COL27A1: variants seen among roughly 807,000 people sequenced by gnomAD.
COL27A1 encodes collagen alpha-1(XXVII) chain.
Under a neutral mutation model 251.3 loss-of-function variants are expected in COL27A1, and 106 were observed. The observed-to-expected ratio is 0.42, with a 90% CI of 0.36 to 0.50. COL27A1 has a LOEUF of 0.50. Among genes scored for constraint, COL27A1 ranks in the 20% least tolerant of loss-of-function variants. The probability of loss-of-function intolerance (pLI) is 0.00; values close to 1 mark genes in which losing one functional copy is unlikely to be tolerated. For missense variants in COL27A1, 2,325 were observed against 2,522.8 expected, an observed-to-expected ratio of 0.92 and a Z score of 1.68; for synonymous variants, 1,000 against 986.3, an observed-to-expected ratio of 1.01 and a Z score of -0.26.
Position 114,252,615 on chromosome 9 carries a change from C to G in COL27A1, c.3056C>G (p.Pro1019Arg), listed in dbSNP as rs529922047. 1.9e-6 allele frequency: 3 copies of G among 1,613,840 alleles called. No homozygotes were observed. The highest frequency in any genetic ancestry group is 2.7e-5 in the African/African-American group (2 of 74,940). ...CAGGGTGATCGTGGCATGATGGGAC[C>G]CCCAGGCGTGCCTGGACCCAAGGGG... ...GEKGDRGMMG[P>R]PGVPGPKGSM... Residue 1019 changes from proline to arginine, a missense_variant, in exon 26 of 61, where the codon CCC (proline) becomes CGC (arginine). Pro to Arg is a moderately radical substitution (Grantham distance 103). This residue lies in a region of COL27A1 where 662 missense variants were observed against 795.3 expected (regional missense o/e 0.83). Coordinates refer to ENST00000356083, the MANE Select transcript of COL27A1 (RefSeq NM_032888.4).
Position 114,282,462 on chromosome 9 carries a change from C to G in COL27A1, c.3777C>G (p.Ala1259=), listed in dbSNP as rs182885514. 598 of 1,603,180 alleles carry G rather than the reference C, an allele frequency of 3.7e-4. 6 individuals carry two copies. The Admixed American group carries it at 0.01, about 27-fold the overall frequency. ...TGTCTTTCCTCCTGTTGCAGGGTGC[C>G]AAGGGCTATCAAGGACAGCTGGGTG... ...GEKGRTGAKG[A]KGYQGQLGEM... The change falls in exon 39 of 61, where the codon GCC becomes GCG. Residue 1259 remains alanine (A), a synonymous_variant. Transcript: ENST00000356083.
At chr9:114,247,188 T>C (rs1833198621) in intron 24 of COL27A1, among the ~76,000 whole-genome samples, 1 of 152,220 alleles carries the variant, frequency 6.6e-6, no homozygotes, top group Non-Finnish European at 1.5e-5. Context: ...TGGCAATGCA[T>C]TAAATAATGA....
chr9:114,256,495 CA>C (rs953756932), intron 27 of COL27A1, among the ~76,000 whole-genome samples: 1 of 152,020 alleles, frequency 6.6e-6, no homozygotes, highest in African/African-American at 2.4e-5. Context: ...TCCATCTCAA[CA>C]AAAAAAGATT....
chr9:114,193,439 A>T (rs1452553274), intron 5 of COL27A1, among the ~76,000 whole-genome samples: 1 of 152,192 alleles, frequency 6.6e-6, no homozygotes, highest in East Asian at 1.9e-4. Context: ...TGGGGGACTC[A>T]CTGCTTGTCA....
At chr9:114,298,855 G>A (rs940381243) in intron 49 of COL27A1, among the ~76,000 whole-genome samples, 14 of 152,030 alleles carry the variant, frequency 9.2e-5, no homozygotes, top group African/African-American at 3.1e-4. Context: ...TCACAGTAGG[G>A]GAGAAAGTAT....
At chr9:114,228,828 C>CT (rs1045784065) in intron 14 of COL27A1, among the ~76,000 whole-genome samples, 7 of 151,598 alleles carry the variant, frequency 4.6e-5, no homozygotes, top group South Asian at 2.1e-4. Context: ...CTTTCTCTCT[C>CT]TTTTTTTTTC....
intron 14 of COL27A1, among the ~76,000 whole-genome samples, chr9:114,228,154 C>G (rs1588705459): frequency 6.6e-6 from 1 of 152,282 alleles, no homozygotes; most frequent in South Asian, 2.1e-4. Context: ...GCGAGTGGGA[C>G]CTGGGGAGTG....
intron 28 of COL27A1, among the ~76,000 whole-genome samples, chr9:114,259,805 G>A (rs570216679): frequency 2.0e-5 from 3 of 152,168 alleles, no homozygotes; most frequent in Non-Finnish European, 4.4e-5. Flanking sequence ...AGGTGGTGCC[G>A]GCAGCCCAGG....
chr9:114,196,738 G>A (rs889778631), intron 7 of COL27A1, among the ~76,000 whole-genome samples: 3 of 152,174 alleles, frequency 2.0e-5, no homozygotes, highest in Non-Finnish European at 4.4e-5. Context: ...CATGCTGGGG[G>A]AGTTACCTGT....
chr9:114,309,460 G>A lies in COL27A1; in HGVS notation c.5418G>A (p.Val1806=), dbSNP rs756143860. 1.7e-5 allele frequency: 28 copies of A among 1,613,594 alleles called. No homozygotes were observed. The highest frequency in any genetic ancestry group is 2.3e-5 in the Non-Finnish European group (27 of 1,179,896). Reference sequence around the variant, plus strand: ...CTGGGGGTCAGTTCCGGCCCGAGGTGTCCATGGATGGCTGCAAGGTAACTC... The same window carrying A: ...CTGGGGGTCAGTTCCGGCCCGAGGTATCCATGGATGGCTGCAAGGTAACTC... ...FEAGGQFRPE[V]SMDGCKVQDG... is the part of the protein sequence containing the mutation. Residue 1806 remains valine, a synonymous_variant, in exon 60 of 61, where the codon GTG becomes GTA. Transcript: ENST00000356083.
chr9:114,236,465 C>T (rs1257692106), intron 17 of COL27A1, among the ~76,000 whole-genome samples: 2 of 152,216 alleles, frequency 1.3e-5, no homozygotes, highest in Non-Finnish European at 2.9e-5. Context: ...ACTTCCAGAG[C>T]CCAGCTGTGG....
At chr9:114,214,685 A>G (rs891729) in intron 12 of COL27A1, among the ~76,000 whole-genome samples, 11,799 of 152,238 alleles carry the variant, frequency 0.078, 1,360 homozygotes, top group African/African-American at 0.25. Flanking sequence ...AGGGCAAGGT[A>G]CTCTCCACAT....
At chr9:114,285,632 CGACCCCTTCCTCCTGCTGGA>C (rs1827420835) in intron 41 of COL27A1, among the ~76,000 whole-genome samples, 2 of 152,158 alleles carry the variant, frequency 1.3e-5, no homozygotes. Context: ...GCTGCCCAGC[CGACCCCTTCCTCCTGCTGGA>C]GGAGGACAGC....
chr9:114,242,300 C>A, intron 22 of COL27A1, 69 bp downstream of exon 22: 2 of 1,394,922 alleles, frequency 1.4e-6, no homozygotes, highest in Non-Finnish European at 2.0e-6. Flanking sequence ...GGCAGGGCAA[C>A]ATCTGGCCAG....
chr9:114,209,636 C>A, intron 10 of COL27A1, 39 bp from the exon 11 acceptor site: 1 of 1,609,172 alleles, frequency 6.2e-7, no homozygotes, highest in South Asian at 1.1e-5. Context: ...CCACACCTCA[C>A]TGCTTGACCG....
chr9:114,174,740 C>T (rs73560575), intron 3 of COL27A1, among the ~76,000 whole-genome samples: 2,195 of 152,310 alleles, frequency 0.014, 67 homozygotes, highest in African/African-American at 0.05. Flanking sequence ...GATTAAGTAA[C>T]TTGCTCAAGG....
chr9:114,233,344 G>A (rs191677276), intron 16 of COL27A1, among the ~76,000 whole-genome samples: 1 of 152,218 alleles, frequency 6.6e-6, no homozygotes. Flanking sequence ...TGGGTAGCCA[G>A]CTGGGTGCCA....
chr9:114,178,594 C>T (rs1191860175), intron 4 of COL27A1, among the ~76,000 whole-genome samples: 1 of 152,158 alleles, frequency 6.6e-6, no homozygotes, highest in Non-Finnish European at 1.5e-5. Context: ...CCTTTGCAGC[C>T]TGGGGTGGGG....
Position 114,170,816 on chromosome 9 carries a change from A to C in COL27A1, c.1908+1353A>C, listed in dbSNP as rs551972560. 3.9e-5 allele frequency among the ~76,000 whole-genome samples: 6 copies of C among 152,368 alleles called. No individual in the cohort carries two copies. The East Asian group carries it at 1.2e-3, about 29-fold the overall frequency. On this transcript the variant is annotated intron_variant, in intron 3 of 60. Coordinates refer to ENST00000356083, the MANE Select transcript of COL27A1 (RefSeq NM_032888.4). The stretch of plus-strand genomic sequence containing the variant: ...TTCACCTCTCCAGCCAACCCAGGCC[A>C]ACTCTGGCACCAGGTGCCTTGGGGC...
Sources: gnomAD v4.1 joint callset for allele counts (sites outside exome capture counted in the v4.1 genomes callset) on GRCh38, gnomAD v4.1.1 for gene constraint, gnomAD v4.1.1 regional missense constraint, MANE v1.5 for transcripts, NCBI Gene and HGNC (gene_info 2026-07-23, HGNC 2026-07-21) for gene names.